The following CNTNAP2 variants were observed in gnomAD, a reference collection of about 807,000 sequenced individuals.
CNTNAP2 encodes contactin-associated protein-like 2.
Under a neutral mutation model 155.2 loss-of-function variants are expected in CNTNAP2, and 98 were observed. That is an observed-to-expected ratio of 0.63 (90% CI 0.54 to 0.75). The LOEUF (loss-of-function observed/expected upper bound fraction) is 0.75, where lower values mean the gene tolerates loss of function less well. Among genes scored for constraint, CNTNAP2 ranks in the 30% least tolerant of loss-of-function variants. The probability of loss-of-function intolerance (pLI) is 0.00; values close to 1 mark genes in which losing one functional copy is unlikely to be tolerated. For synonymous variants in CNTNAP2, 651 were observed against 631.2 expected (o/e 1.03, Z -0.47); for missense variants, 1,727 against 1,688.1 (o/e 1.02, Z -0.40).
chr7:147,318,039 G>A (rs142245536), intron 9 of CNTNAP2, among the ~76,000 whole-genome samples: 44 of 151,736 alleles, frequency 2.9e-4, no homozygotes, highest in African/African-American at 9.4e-4. Context: ...TTCTTTTTTC[G>A]TTAAAATTTT....
intron 8 of CNTNAP2, among the ~76,000 whole-genome samples, chr7:147,195,359 C>T (rs1802768380): frequency 6.6e-6 from 1 of 152,130 alleles, no homozygotes. Flanking sequence ...TAGCGTGATG[C>T]CTCCAGCTTT....
At chr7:146,826,879 G>A (rs967030614) in intron 2 of CNTNAP2, among the ~76,000 whole-genome samples, 8 of 150,688 alleles carry the variant, frequency 5.3e-5, no homozygotes, top group Non-Finnish European at 1.2e-4. Context: ...GAGAGAGAGA[G>A]ACTTGAGTAA....
At chr7:146,723,660 T>C (rs189108862) in intron 1 of CNTNAP2, among the ~76,000 whole-genome samples, 1 of 152,146 alleles carries the variant, frequency 6.6e-6, no homozygotes, top group Admixed American at 6.5e-5. Context: ...TTTAGAGAAA[T>C]TAGCTAAATG....
chr7:148,147,796 C>CTG, intron 17 of CNTNAP2, 87 bp downstream of exon 17: 1 of 1,338,696 alleles, frequency 7.5e-7, no homozygotes, highest in Non-Finnish European at 1.0e-6. Flanking sequence ...TCAGCCTATG[C>CTG]AAGGTTTGAT....
At chr7:147,086,232 A>G (rs902011993) in intron 4 of CNTNAP2, among the ~76,000 whole-genome samples, 18 of 152,168 alleles carry the variant, frequency 1.2e-4, no homozygotes, top group Admixed American at 3.3e-4. Context: ...GGGCTCAATG[A>G]GTTTTGAAAG....
At chr7:146,496,050 A>G (rs1015889136) in intron 1 of CNTNAP2, among the ~76,000 whole-genome samples, 4 of 152,142 alleles carry the variant, frequency 2.6e-5, no homozygotes, top group African/African-American at 9.7e-5. Flanking sequence ...TTGATTGAGG[A>G]TGGCAAAAAA....
intron 15 of CNTNAP2, among the ~76,000 whole-genome samples, chr7:147,988,752 C>T (rs914985670): frequency 3.3e-5 from 5 of 152,168 alleles, no homozygotes; most frequent in Admixed American, 6.6e-5. Context: ...CAAATTGAAT[C>T]CCCGTAATTT....
intron 8 of CNTNAP2, among the ~76,000 whole-genome samples, chr7:147,263,903 A>G (rs969678176): frequency 6.6e-6 from 1 of 152,204 alleles, no homozygotes; most frequent in Non-Finnish European, 1.5e-5. Context: ...CAAGACGTAT[A>G]GGGGAAAGAG....
chr7:148,257,817 C>T (rs4726937), intron 20 of CNTNAP2, among the ~76,000 whole-genome samples: 22,740 of 152,076 alleles, frequency 0.15, 2,055 homozygotes, highest in Admixed American at 0.2. Flanking sequence ...AACTCGATGT[C>T]AATAAAATGC....
intron 21 of CNTNAP2, among the ~76,000 whole-genome samples, chr7:148,377,907 G>A (rs1798988219): frequency 1.5e-5 from 1 of 68,172 alleles, no homozygotes; most frequent in Non-Finnish European, 4.1e-5. Context: ...TTATAAAATA[G>A]GTGTGTTAGA....
chr7:146,160,435 T>C (rs572146579), intron 1 of CNTNAP2, among the ~76,000 whole-genome samples: 1 of 152,196 alleles, frequency 6.6e-6, no homozygotes, highest in South Asian at 2.1e-4. Flanking sequence ...ACAAAATTGA[T>C]AGACTGCTAG....
At chr7:146,664,525 T>C (rs1020493854) in intron 1 of CNTNAP2, among the ~76,000 whole-genome samples, 1 of 152,204 alleles carries the variant, frequency 6.6e-6, no homozygotes, top group East Asian at 1.9e-4. Flanking sequence ...CTTGGTATGA[T>C]ACACTAAATG....
intron 1 of CNTNAP2, among the ~76,000 whole-genome samples, chr7:146,774,057 T>C (rs1413524713): frequency 6.6e-6 from 1 of 152,216 alleles, no homozygotes; most frequent in African/African-American, 2.4e-5. Context: ...TGTGCTTTGC[T>C]ATGGTTTTCC....
At chr7:146,348,881 A>AT (rs1794870307) in intron 1 of CNTNAP2, among the ~76,000 whole-genome samples, 1 of 149,998 alleles carries the variant, frequency 6.7e-6, no homozygotes, top group Non-Finnish European at 1.5e-5. Context: ...ATAGTGCATA[A>AT]TTTTCAAAGA....
At chr7:147,741,153 G>C (rs1231695508) in intron 13 of CNTNAP2, among the ~76,000 whole-genome samples, 1 of 152,194 alleles carries the variant, frequency 6.6e-6, no homozygotes, top group Non-Finnish European at 1.5e-5. Flanking sequence ...GTTTAGAAGA[G>C]ATGGGAAGAG....
At chr7:146,371,852 G>A (rs903932040) in intron 1 of CNTNAP2, among the ~76,000 whole-genome samples, 10 of 151,694 alleles carry the variant, frequency 6.6e-5, no homozygotes, top group Non-Finnish European at 7.4e-5. Context: ...CAAGCTACTC[G>A]TGAGGCTGAG....
intron 13 of CNTNAP2, among the ~76,000 whole-genome samples, chr7:147,817,070 CA>C (rs1212955064): frequency 6.6e-6 from 1 of 152,080 alleles, no homozygotes; most frequent in Admixed American, 6.5e-5. Context: ...AGTTAAATGA[CA>C]CCACAATGAA....
chr7:147,733,469 G>C (rs1308705235), intron 13 of CNTNAP2, among the ~76,000 whole-genome samples: 1 of 152,148 alleles, frequency 6.6e-6, no homozygotes. Context: ...CTCCAGCTTT[G>C]TTCTTTTGGC....
intron 12 of CNTNAP2, among the ~76,000 whole-genome samples, chr7:147,573,342 C>G (rs1180409041): frequency 6.6e-6 from 1 of 152,176 alleles, no homozygotes; most frequent in Admixed American, 6.6e-5. Flanking sequence ...GATTTCTGAA[C>G]AAAATCAGCA....
Sources: gnomAD v4.1 joint callset for allele counts (sites outside exome capture counted in the v4.1 genomes callset) on GRCh38, gnomAD v4.1.1 for gene constraint, MANE v1.5 for transcripts, NCBI Gene and HGNC (gene_info 2026-07-23, HGNC 2026-07-21) for gene names.